Variants in PCDHA4 observed in about 807,000 individuals in gnomAD.
PCDHA4 encodes the protein protocadherin alpha-4.
A neutral mutation model predicts 61.4 loss-of-function variants in PCDHA4; 49 were observed. That is an observed-to-expected ratio of 0.80 (90% CI 0.63 to 1.01). The LOEUF (loss-of-function observed/expected upper bound fraction) is 1.01. PCDHA4 is among the 50% of genes least tolerant of loss of function. The probability of loss-of-function intolerance (pLI) is 0.00; values close to 1 mark genes in which losing one functional copy is unlikely to be tolerated. For missense variants in PCDHA4, 1,254 were observed against 1,235.8 expected, an observed-to-expected ratio of 1.01 and a Z score of -0.22; for synonymous variants, 590 against 550.3, an observed-to-expected ratio of 1.07 and a Z score of -1.01.
At chr5:140,863,723 G>A (rs1013591731) in intron 1 of PCDHA4, 3 of 271,432 alleles carry the variant, frequency 1.1e-5, no homozygotes, top group African/African-American at 4.4e-5. Context: ...GGCCGGGTGC[G>A]GTAGCTCATG....
intron 1 of PCDHA4, chr5:140,852,865 C>G (rs2042498317): frequency 7.4e-6 from 7 of 950,286 alleles, no homozygotes; most frequent in Non-Finnish European, 7.6e-6. Flanking sequence ...TTTACTATGT[C>G]ATCAATAATC....
intron 1 of PCDHA4, chr5:140,928,771 A>C: frequency 6.2e-7 from 1 of 1,613,998 alleles, no homozygotes; most frequent in Non-Finnish European, 8.5e-7. Context: ...AGTTCTTCCC[A>C]CTGATGCAGT....
At chr5:140,829,006 G>T (rs1461525244) in intron 1 of PCDHA4, 12 of 1,613,634 alleles carry the variant, frequency 7.4e-6, no homozygotes, top group Non-Finnish European at 1.0e-5. Flanking sequence ...TAGTGATTCG[G>T]GGTAATTTGG....
chr5:140,981,220 C>T (rs1160783614), intron 2 of PCDHA4, among the ~76,000 whole-genome samples: 3 of 152,164 alleles, frequency 2.0e-5, no homozygotes, highest in African/African-American at 4.8e-5. Context: ...CCCCTTTAGT[C>T]AGTAGTCTAA....
intron 1 of PCDHA4, chr5:140,848,346 C>A: frequency 1.1e-6 from 1 of 925,186 alleles, no homozygotes; most frequent in East Asian, 2.4e-5. Context: ...ACAAATACAG[C>A]CCTTTTCCCA....
chr5:140,877,161 G>C (rs2056901330), intron 1 of PCDHA4: 1 of 1,613,828 alleles, frequency 6.2e-7, no homozygotes, highest in Non-Finnish European at 8.5e-7. Context: ...ACAACGCGCC[G>C]GCACTGCTGG....
At chr5:141,000,414 TATA>T (rs1563651539) in intron 3 of PCDHA4, among the ~76,000 whole-genome samples, 16 of 99,530 alleles carry the variant, frequency 1.6e-4, no homozygotes, top group African/African-American at 2.5e-4. Flanking sequence ...TATATATATA[TATA>T]TATATTTTTT....
chr5:140,935,870 T>C (rs1486682424), intron 1 of PCDHA4, among the ~76,000 whole-genome samples: 1 of 151,620 alleles, frequency 6.6e-6, no homozygotes, highest in East Asian at 1.9e-4. Context: ...TAGCAATTAA[T>C]GAGCTCCAAT....
intron 1 of PCDHA4, among the ~76,000 whole-genome samples, chr5:140,905,357 A>G (rs1280254509): frequency 1.3e-5 from 2 of 152,052 alleles, no homozygotes; most frequent in African/African-American, 4.8e-5. Flanking sequence ...GTATTTGACT[A>G]TATTTCTGGT....
At chr5:140,928,592 T>A in intron 1 of PCDHA4, 1 of 1,614,178 alleles carries the variant, frequency 6.2e-7, no homozygotes, top group Non-Finnish European at 8.5e-7. Flanking sequence ...TCTGTCCCAG[T>A]GGAAATTGTG....
At chr5:140,880,258 A>G (rs1278819523) in intron 1 of PCDHA4, among the ~76,000 whole-genome samples, 3 of 152,246 alleles carry the variant, frequency 2.0e-5, no homozygotes. Flanking sequence ...GTATGTATAC[A>G]TATTTTAGTT....
intron 1 of PCDHA4, chr5:140,857,033 A>G (rs1303154996): frequency 4.4e-6 from 7 of 1,595,572 alleles, no homozygotes; most frequent in South Asian, 1.1e-5. Flanking sequence ...AAACCCACCT[A>G]TGGTTGGTCA....
At chr5:140,953,996 T>C (rs989520486) in intron 1 of PCDHA4, among the ~76,000 whole-genome samples, 1 of 152,158 alleles carries the variant, frequency 6.6e-6, no homozygotes, top group African/African-American at 2.4e-5. Context: ...TCATGTGTAC[T>C]CATCATTCAG....
rs2150258663 is a variant in PCDHA4 at position 140,836,358 on chromosome 5, C to G, written c.2385+26786C>G. On this transcript the variant is annotated intron_variant, in intron 1 of 3. Coordinates refer to ENST00000530339, the MANE Select transcript of PCDHA4 (RefSeq NM_018907.4). ...TGTGAAGGACCACGGGGAGCCCTCGCTGACAGCCACAGCCACCGTGCTGGT... is the reference window on the plus strand; with the variant it reads ...TGTGAAGGACCACGGGGAGCCCTCGGTGACAGCCACAGCCACCGTGCTGGT... The G allele has an allele frequency of 3.9e-5, 63 of 1,613,690 alleles. No individual in the cohort carries two copies. The highest frequency in any genetic ancestry group is 3.3e-4 in the Middle Eastern group (2 of 6,062).
chr5:140,963,538 C>T (rs1450528022), intron 1 of PCDHA4, among the ~76,000 whole-genome samples: 2 of 152,188 alleles, frequency 1.3e-5, no homozygotes, highest in Non-Finnish European at 2.9e-5. Flanking sequence ...CCATTTACTT[C>T]ATGATATAAA....
chr5:140,859,320 G>A (rs1374549537), intron 1 of PCDHA4: 1 of 128,738 alleles, frequency 7.8e-6, no homozygotes, highest in African/African-American at 2.7e-5. Context: ...TTAAAAGTTT[G>A]AGGAGAAAAT....
chr5:140,815,636 TTC>T (rs1765771422), intron 1 of PCDHA4: 1 of 152,144 alleles, frequency 6.6e-6, no homozygotes, highest in Non-Finnish European at 1.5e-5. Flanking sequence ...TATTATAGTA[TTC>T]TGTTTTTATC....
intron 1 of PCDHA4, among the ~76,000 whole-genome samples, chr5:140,886,842 A>AAG (rs2061180057): frequency 6.6e-6 from 1 of 151,638 alleles, no homozygotes; most frequent in African/African-American, 2.4e-5. Context: ...AAAAAAAAAA[A>AAG]AAAAAGAAAG....
At chr5:140,982,253 A>G (rs1209317234) in intron 2 of PCDHA4, 16 of 777,640 alleles carry the variant, frequency 2.1e-5, no homozygotes, top group Admixed American at 3.3e-5. Context: ...AAGATAGAAC[A>G]TGTGTGTTCC....
Sources: gnomAD v4.1 joint callset for allele counts (sites outside exome capture counted in the v4.1 genomes callset) on GRCh38, gnomAD v4.1.1 for gene constraint, MANE v1.5 for transcripts, NCBI Gene and HGNC (gene_info 2026-07-23, HGNC 2026-07-21) for gene names.